Variants in TENM3 observed in about 807,000 individuals in gnomAD.
TENM3 encodes the protein teneurin transmembrane protein 3.
In TENM3, 63 loss-of-function variants were observed where a neutral mutation model predicts 255.1. The observed-to-expected ratio is 0.25, with a 90% CI of 0.20 to 0.30. The LOEUF (loss-of-function observed/expected upper bound fraction) is 0.30. Ranked by LOEUF, TENM3 falls within the 10% of genes least tolerant of loss-of-function variation. The pLI is 1.00. For missense variants in TENM3, 2,929 were observed against 3,461.1 expected, an observed-to-expected ratio of 0.85 and a Z score of 3.86; for synonymous variants, 1,306 against 1,322.3, an observed-to-expected ratio of 0.99 and a Z score of 0.27.
At chr4:182,664,159 C>A (rs2152535799) in intron 6 of TENM3, among the ~76,000 whole-genome samples, 1 of 152,274 alleles carries the variant, frequency 6.6e-6, no homozygotes, top group East Asian at 1.9e-4. Flanking sequence ...TTGTGGCAGC[C>A]CTGCGTCAAG....
intron 3 of TENM3, among the ~76,000 whole-genome samples, chr4:182,451,713 G>T (rs1467786834): frequency 6.6e-6 from 1 of 152,188 alleles, no homozygotes; most frequent in Non-Finnish European, 1.5e-5. Flanking sequence ...CCTGTTCTAA[G>T]CTGTATTCTT....
the TENM3 span, among the ~76,000 whole-genome samples, chr4:181,988,392 C>A: frequency 6.6e-6 from 1 of 151,988 alleles, no homozygotes; most frequent in Non-Finnish European, 1.5e-5. Context: ...GGTTATTCGC[C>A]CATTTGGGGC....
chr4:182,033,018 G>GT, the TENM3 span, among the ~76,000 whole-genome samples: 82,868 of 148,548 alleles, frequency 0.56, 27,703 homozygotes, highest in East Asian at 0.78. Context: ...ATTTTTGAAG[G>GT]TTTTTTTTTG....
the TENM3 span, among the ~76,000 whole-genome samples, chr4:181,914,275 T>G: frequency 2.6e-5 from 4 of 152,162 alleles, no homozygotes; most frequent in South Asian, 2.1e-4. Flanking sequence ...CCTTTTGCCT[T>G]TGCTAATACT....
chr4:182,290,189 C>T (rs566030552), intron 1 of TENM3, among the ~76,000 whole-genome samples: 7 of 152,220 alleles, frequency 4.6e-5, no homozygotes, highest in Non-Finnish European at 5.9e-5. Flanking sequence ...GGGGACCTGG[C>T]GTGTGGTAAG....
rs546310590 is a variant in TENM3, at chr4:182,345,453, A to T, written c.233-1198A>T. Among the ~76,000 whole-genome samples, 13 of 152,362 alleles carry T rather than the reference A, an allele frequency of 8.5e-5. No individual in the cohort carries two copies. In the South Asian group the frequency reaches 2.5e-3, roughly 29 times the overall value. ...AGTAGGGAAATCAAAACTATGAGTA[A>T]TATAAATGCTTAATATACTTAAAAG... is the stretch of plus-strand genomic sequence containing the variant. On this transcript the variant is annotated intron_variant, in intron 2 of 27. Coordinates refer to ENST00000511685, the MANE Select transcript of TENM3 (RefSeq NM_001080477.4).
At chr4:181,513,432 C>T in the TENM3 span, among the ~76,000 whole-genome samples, 11 of 152,182 alleles carry the variant, frequency 7.2e-5, 1 homozygote, top group Admixed American at 3.3e-4. Flanking sequence ...AAAATGTAAC[C>T]GGAGGCCCTC....
chr4:181,888,591 C>T, the TENM3 span, among the ~76,000 whole-genome samples: 95 of 90,096 alleles, frequency 1.1e-3, 1 homozygote, highest in African/African-American at 1.3e-3. Flanking sequence ...TATATATATG[C>T]GTGTGTGTGT....
the TENM3 span, among the ~76,000 whole-genome samples, chr4:181,653,601 G>A: frequency 4.0e-5 from 6 of 151,522 alleles, no homozygotes; most frequent in South Asian, 2.1e-4. Context: ...GGGTTTTACC[G>A]TGTTGGCCAG....
intron 1 of TENM3, among the ~76,000 whole-genome samples, chr4:182,305,235 A>C (rs1456137214): frequency 6.6e-6 from 1 of 152,196 alleles, no homozygotes; most frequent in Non-Finnish European, 1.5e-5. Context: ...ACAAAAACAA[A>C]AGGAACAGAT....
the TENM3 span, among the ~76,000 whole-genome samples, chr4:181,480,699 T>C: frequency 3.3e-5 from 5 of 151,354 alleles, no homozygotes; most frequent in East Asian, 1.9e-4. Context: ...TATATAGATA[T>C]GTTTTATAGA....
intron 2 of TENM3, among the ~76,000 whole-genome samples, chr4:182,343,288 G>T (rs988917580): frequency 2.0e-5 from 3 of 152,092 alleles, no homozygotes; most frequent in Non-Finnish European, 4.4e-5. Context: ...ATTGTAATGG[G>T]AAACTCTTGT....
At chr4:182,537,646 G>A (rs1447295995) in intron 3 of TENM3, among the ~76,000 whole-genome samples, 22 of 151,976 alleles carry the variant, frequency 1.4e-4, no homozygotes, top group Admixed American at 1.4e-3. Context: ...TTTTTCAAAA[G>A]TTTTCTATGA....
chr4:182,437,918 C>A (rs1225814259), intron 3 of TENM3, among the ~76,000 whole-genome samples: 1 of 152,038 alleles, frequency 6.6e-6, no homozygotes, highest in Non-Finnish European at 1.5e-5. Flanking sequence ...CACCACAGCA[C>A]TCCAGCCTGA....
chr4:181,982,837 T>C, the TENM3 span, among the ~76,000 whole-genome samples: 7 of 152,190 alleles, frequency 4.6e-5, no homozygotes, highest in Admixed American at 6.6e-5. Context: ...GTTTTTATAA[T>C]GCTCAAAAGA....
chr4:182,145,635 AT>A (rs1177941952), intron 1 of TENM3, among the ~76,000 whole-genome samples: 2 of 152,170 alleles, frequency 1.3e-5, no homozygotes, highest in African/African-American at 4.8e-5. Context: ...GTACCGTGTA[AT>A]ACATCACACA....
the TENM3 span, chr4:181,876,941 T>C: frequency 1.3e-5 from 2 of 152,096 alleles, no homozygotes; most frequent in East Asian, 3.9e-4. Flanking sequence ...AATAAAGAAA[T>C]AATTATATGA....
chr4:181,506,811 A>C, the TENM3 span, among the ~76,000 whole-genome samples: 3 of 151,842 alleles, frequency 2.0e-5, no homozygotes, highest in Admixed American at 2.0e-4. Context: ...ACTCTTTCTG[A>C]GAACTGTTAC....
intron 2 of TENM3, among the ~76,000 whole-genome samples, chr4:182,335,494 CAAAAAAAAAAAAA>C (rs372965020): frequency 1.9e-5 from 1 of 52,398 alleles, no homozygotes; most frequent in South Asian, 1.4e-3. Context: ...GACTCCGCCT[CAAAAAAAAAAAAA>C]AAAAAAAAAA....
Sources: allele counts gnomAD v4.1 joint callset (sites outside exome capture counted in the v4.1 genomes callset), GRCh38; gene constraint gnomAD v4.1.1; transcripts MANE v1.5; gene names NCBI Gene and HGNC (gene_info 2026-07-23, HGNC 2026-07-21).